Variants in CECR2 observed in about 807,000 individuals in gnomAD.
The protein encoded by CECR2 is chromatin remodeling regulator CECR2.
In CECR2, 30 loss-of-function variants were observed where a neutral mutation model predicts 154.5. The observed-to-expected ratio is 0.19, with a 90% CI of 0.15 to 0.26. The LOEUF (loss-of-function observed/expected upper bound fraction) is 0.26. CECR2 is among the 10% of genes least tolerant of loss of function. The pLI, the probability that CECR2 is intolerant of heterozygous loss-of-function variation, is 1.00. For missense variants in CECR2, 1,743 were observed against 1,829.3 expected (o/e 0.95, Z 0.86); for synonymous variants, 725 against 683.7 (o/e 1.06, Z -0.94).
chr22:17,396,264 G>T (rs1032364476), intron 1 of CECR2, among the ~76,000 whole-genome samples: 2 of 143,432 alleles, frequency 1.4e-5, no homozygotes, highest in African/African-American at 5.2e-5. Context: ...AAAAAACAAG[G>T]CCAGGCGCTG....
Position 17,499,525 on chromosome 22 carries a change from C to A in CECR2, c.521C>A (p.Ser174Tyr). 6.2e-7 allele frequency: 1 copy of A among 1,612,118 alleles called. No individual in the cohort carries two copies. Among genetic ancestry groups the A allele is most frequent in the South Asian group, 1.1e-5 (1 of 90,704 alleles). Residue 174 changes from serine (S) to tyrosine (Y), a missense_variant, in exon 4 of 19, where the codon TCC becomes TAC. Physicochemically the swap from Ser to Tyr is moderately radical, Grantham distance 144. Transcript: ENST00000262608. ...AAAGAGGACCCGGTGCAAGGAAAATCCAATGGAGAACTCTCTTTGAGCAGG... is the reference window on the plus strand; with the variant it reads ...AAAGAGGACCCGGTGCAAGGAAAATACAATGGAGAACTCTCTTTGAGCAGG... The part of the protein sequence containing the change: ...MYKEDPVQGK[S>Y]NGELSLSRES...
rs551350732 is a variant in CECR2 at position 17,411,718 on chromosome 22, CA to C, written c.126+41816del. ...AATTTAAAACAGCACCTTTCTCTTT[CA>C]AAAAAATTATTGTAAACATTTTAGG... On this transcript the variant is annotated intron_variant, in intron 1 of 18. Transcript: ENST00000262608. 7.8e-4 allele frequency among the ~76,000 whole-genome samples: 118 copies of C among 151,838 alleles called. 1 individual carries two copies. The highest frequency in any genetic ancestry group is 1.1e-3 in the Non-Finnish European group (72 of 67,944).
At chr22:17,508,999 C>T (rs1294069979) in intron 7 of CECR2, among the ~76,000 whole-genome samples, 1 of 152,124 alleles carries the variant, frequency 6.6e-6, no homozygotes, top group African/African-American at 2.4e-5. Context: ...GCCTGTAATC[C>T]CAGCACTTTG....
At chr22:17,494,629 C>A (rs141782042) in intron 2 of CECR2, among the ~76,000 whole-genome samples, 3 of 152,310 alleles carry the variant, frequency 2.0e-5, no homozygotes, top group Non-Finnish European at 4.4e-5. Context: ...TCATGTTTTC[C>A]CCAGTGAGAT....
At position 17,549,285 on chromosome 22, in the gene CECR2, C is replaced by T. The variant is rs1444092068; in HGVS notation, c.3998C>T (p.Ser1333Leu). 6.2e-7 allele frequency: 1 copy of T among 1,613,992 alleles called. No individual in the cohort carries two copies. The highest frequency in any genetic ancestry group is 1.7e-5 in the Admixed American group (1 of 60,028). The part of the protein sequence containing the change: ...PPLSSGMGFG[S>L]SAFPPHSVML... ...CTGAGTTCAGGAATGGGATTTGGTT[C>T]ATCTGCATTTCCACCCCACAGTGTG... Residue 1333 changes from serine (S) to leucine (L), a missense_variant, in exon 17 of 19, where the codon TCA (serine) becomes TTA (leucine). Physicochemically the swap from Ser to Leu is moderately radical, Grantham distance 145. Coordinates refer to ENST00000262608, the MANE Select transcript of CECR2 (RefSeq NM_001290047.2).
chr22:17,474,053 G>A (rs1012061648), intron 1 of CECR2, among the ~76,000 whole-genome samples: 4 of 149,614 alleles, frequency 2.7e-5, no homozygotes, highest in Admixed American at 2.0e-4. Flanking sequence ...GGTACTAACT[G>A]GGGGGGGTTT....
chr22:17,528,124 T>C (rs551413878), intron 9 of CECR2, among the ~76,000 whole-genome samples: 3 of 152,338 alleles, frequency 2.0e-5, no homozygotes, highest in South Asian at 2.1e-4. Context: ...TTTGCAGCTC[T>C]GTTCACAATA....
At chr22:17,375,731 C>T (rs1601241706) in intron 1 of CECR2, among the ~76,000 whole-genome samples, 3 of 151,800 alleles carry the variant, frequency 2.0e-5, no homozygotes, top group Non-Finnish European at 4.4e-5. Context: ...CCGAGGCGGG[C>T]GGATCATGAG....
At chr22:17,390,787 G>A (rs1055137660) in intron 1 of CECR2, among the ~76,000 whole-genome samples, 2 of 151,880 alleles carry the variant, frequency 1.3e-5, no homozygotes, top group Non-Finnish European at 2.9e-5. Context: ...AAAACCATTT[G>A]TTTTTAATAT....
chr22:17,420,204 A>G (rs577722677), intron 1 of CECR2, among the ~76,000 whole-genome samples: 3 of 152,380 alleles, frequency 2.0e-5, no homozygotes, highest in South Asian at 2.1e-4. Context: ...GGCATAGGCC[A>G]TTTCAGGCAG....
At chr22:17,496,356 C>T (rs968063531) in intron 2 of CECR2, among the ~76,000 whole-genome samples, 1 of 151,848 alleles carries the variant, frequency 6.6e-6, no homozygotes, top group East Asian at 1.9e-4. Context: ...AGAAATTAGC[C>T]GGGCATGGTG....
At chr22:17,433,684 C>T (rs1206846461) in intron 1 of CECR2, among the ~76,000 whole-genome samples, 1 of 152,064 alleles carries the variant, frequency 6.6e-6, no homozygotes, top group African/African-American at 2.4e-5. Flanking sequence ...GGAACTCAAG[C>T]GATCCACCCA....
chr22:17,546,870 C>G (rs566761199), intron 16 of CECR2, among the ~76,000 whole-genome samples: 2 of 151,780 alleles, frequency 1.3e-5, no homozygotes, highest in African/African-American at 2.4e-5. Context: ...GAAATCTTGT[C>G]TCTACTAAAA....
At chr22:17,517,121 CCCT>C (rs2056072149) in intron 8 of CECR2, among the ~76,000 whole-genome samples, 2 of 152,008 alleles carry the variant, frequency 1.3e-5, no homozygotes, top group South Asian at 4.2e-4. Flanking sequence ...TCGTGATCCA[CCCT>C]CCTCAGCCTC....
intron 1 of CECR2, among the ~76,000 whole-genome samples, chr22:17,397,135 T>C (rs1007753542): frequency 5.9e-5 from 9 of 152,020 alleles, no homozygotes; most frequent in African/African-American, 2.2e-4. Context: ...TTTTTATTTA[T>C]TTTATTTATT....
At chr22:17,481,049 T>TAAA (rs572712907) in intron 2 of CECR2, among the ~76,000 whole-genome samples, 2 of 92,066 alleles carry the variant, frequency 2.2e-5, no homozygotes, top group African/African-American at 7.3e-5. Context: ...CTTTTTTTTT[T>TAAA]AAAAAAAAAA....
At chr22:17,452,017 G>T (rs772549117) in intron 1 of CECR2, among the ~76,000 whole-genome samples, 28 of 152,192 alleles carry the variant, frequency 1.8e-4, no homozygotes, top group Non-Finnish European at 3.2e-4. Context: ...ACCCTAAGTT[G>T]TGGGACGTCA....
intron 4 of CECR2, among the ~76,000 whole-genome samples, chr22:17,499,875 G>GCAT (rs2055703469): frequency 6.6e-6 from 1 of 152,110 alleles, no homozygotes; most frequent in African/African-American, 2.4e-5. Flanking sequence ...ATTTCATCTT[G>GCAT]CATCATCAGT....
Position 17,542,227 on chromosome 22 carries a change from G to T in CECR2, c.2084G>T (p.Gly695Val), listed in dbSNP as rs375154158. ...GTPEEKQMCG[G>V]LTHLSNMGPH... ...CCAGAGGAGAAGCAAATGTGCGGGG[G>T]GCTGACACACCTTTCTAACATGGGC... Residue 695 changes from glycine (G) to valine (V), a missense_variant, in exon 16 of 19, where the codon GGG (glycine) becomes GTG (valine). Physicochemically the swap from Gly to Val is moderately radical, Grantham distance 109. Around this residue, in one of 4 missense-constraint regions of CECR2, gnomAD observed 1,250 missense variants for 1,192.1 expected, o/e 1.05. Coordinates refer to ENST00000262608, the MANE Select transcript of CECR2 (RefSeq NM_001290047.2). The T allele has an allele frequency of 8.7e-6, 14 of 1,611,734 alleles. No individual in the cohort carries two copies. Among genetic ancestry groups the T allele is most frequent in the Non-Finnish European group, 1.0e-5 (12 of 1,178,944 alleles).
Sources: allele counts gnomAD v4.1 joint callset (sites outside exome capture counted in the v4.1 genomes callset), GRCh38; gene constraint gnomAD v4.1.1; regional missense constraint gnomAD v4.1.1; transcripts MANE v1.5; gene names NCBI Gene and HGNC (gene_info 2026-07-23, HGNC 2026-07-21).